Variants in C17orf78 observed in about 807,000 individuals in gnomAD.
C17orf78 encodes uncharacterized protein C17orf78.
In C17orf78, 27 loss-of-function variants were observed where a neutral mutation model predicts 31.8. The observed-to-expected ratio is 0.85, with a 90% CI of 0.63 to 1.17. The LOEUF (loss-of-function observed/expected upper bound fraction) is 1.17. Among genes scored for constraint, C17orf78 ranks in the 50% most tolerant of loss-of-function variants. C17orf78 has a pLI of 0.00. For missense variants in C17orf78, 258 were observed against 315.2 expected (o/e 0.82, Z 1.37); for synonymous variants, 106 against 115.1 (o/e 0.92, Z 0.51).
rs756125281 is a variant in C17orf78, at chr17:37,379,266, A to G, written c.275A>G (p.His92Arg). 6.2e-7 allele frequency: 1 copy of G among 1,614,034 alleles called. No individual in the cohort carries two copies. The highest frequency in any genetic ancestry group is 1.1e-5 in the South Asian group (1 of 91,090). The change falls in exon 3 of 7, where the codon CAT becomes CGT. Residue 92 changes from histidine (H) to arginine (R), a missense_variant. His to Arg is a conservative substitution (Grantham distance 29). Coordinates refer to ENST00000615133, the MANE Select transcript of C17orf78 (RefSeq NM_173625.5). ...TTGGAGAGAAGGCCAAAGGTCAAGC[A>G]TATTTTGAAGAACCTGAGAATCATT... ...VYLERRPKVK[H>R]ILKNLRIIAA... is the part of the protein sequence containing the mutation.
In C17orf78 at chr17:37,380,258, G is replaced by C. The variant is rs55885829; in HGVS notation, c.391+876G>C. Among the ~76,000 whole-genome samples, 1,018 of 128,186 alleles carry C rather than the reference G, an allele frequency of 7.9e-3. 11 individuals carry two copies. The highest frequency in any genetic ancestry group is 0.03 in the African/African-American group (987 of 32,954). 84.1% of individuals were successfully genotyped at this position (128,186 alleles called of 152,430 possible). ...CATGGACACAGGAAGGGGAACATCA[G>C]ACTCTGGGGACTGTTGTGGGGTGGG... is the stretch of plus-strand genomic sequence containing the variant. On this transcript the variant is annotated intron_variant, in intron 3 of 6. Transcript: ENST00000615133.
At chr17:37,390,223 T>C (rs1490972802) in intron 6 of C17orf78, among the ~76,000 whole-genome samples, 1 of 63,834 alleles carries the variant, frequency 1.6e-5, no homozygotes, top group East Asian at 9.5e-4. Flanking sequence ...ATTTATTATA[T>C]ATAATTATAT....
chr17:37,379,519 T>C, intron 3 of C17orf78, 137 bp downstream of exon 3: 4 of 1,255,804 alleles, frequency 3.2e-6, no homozygotes, highest in Non-Finnish European at 4.3e-6. Flanking sequence ...TTTTTTTTCT[T>C]GTAAATTTGT....
intron 6 of C17orf78, among the ~76,000 whole-genome samples, chr17:37,390,545 T>A (rs928919596): frequency 8.1e-5 from 12 of 148,940 alleles, no homozygotes; most frequent in Non-Finnish European, 1.8e-4. Context: ...GAGAATTGCT[T>A]GAACCCAGGA....
At chr17:37,389,422 C>G in intron 6 of C17orf78, 60 bp downstream of exon 6, 1 of 1,536,464 alleles carries the variant, frequency 6.5e-7, no homozygotes, top group Non-Finnish European at 8.8e-7. Context: ...AGGGGCCGGG[C>G]GTGGTGGCTC....
intron 4 of C17orf78, 35 bp from the exon 5 acceptor site, chr17:37,388,635 C>A (rs1398112802): frequency 1.9e-6 from 3 of 1,598,390 alleles, no homozygotes; most frequent in Non-Finnish European, 2.6e-6. Context: ...CTCAAATTTT[C>A]TTTTCTCCCT....
chr17:37,379,682 G>C (rs1008885904), intron 3 of C17orf78, among the ~76,000 whole-genome samples: 144 of 151,804 alleles, frequency 9.5e-4, no homozygotes, highest in Admixed American at 6.6e-3. Flanking sequence ...AAATGCTCAT[G>C]ATCACTGGCC....
rs1469974523 is a variant in C17orf78 at position 37,376,061 on chromosome 17, T to C, written c.-32T>C. On this transcript the variant is annotated 5_prime_UTR_variant, in exon 1 of 7. Transcript: ENST00000615133. ...AAGGGCTGTGACAGATGAGCAGTGGTCTGTCTGCAATGAGCATGTGCTCAA... is the reference window on the plus strand; with the variant it reads ...AAGGGCTGTGACAGATGAGCAGTGGCCTGTCTGCAATGAGCATGTGCTCAA... 1 of 1,585,776 alleles carries C rather than the reference T, an allele frequency of 6.3e-7. No individual in the cohort carries two copies.
chr17:37,382,494 A>T (rs1295465281), intron 3 of C17orf78, among the ~76,000 whole-genome samples: 1 of 152,146 alleles, frequency 6.6e-6, no homozygotes, highest in Non-Finnish European at 1.5e-5. Flanking sequence ...AGAATAATGG[A>T]AAAAACTTTA....
At chr17:37,385,692 A>G (rs2147772403) in intron 3 of C17orf78, among the ~76,000 whole-genome samples, 1 of 152,280 alleles carries the variant, frequency 6.6e-6, no homozygotes, top group East Asian at 1.9e-4. Flanking sequence ...AACTGTCAAC[A>G]GTTTTTATGG....
At chr17:37,379,418 C>T in intron 3 of C17orf78, 36 bp downstream of exon 3, 2 of 1,595,408 alleles carry the variant, frequency 1.3e-6, no homozygotes, top group Non-Finnish European at 1.7e-6. Context: ...CAGGCACTAA[C>T]TTTTAGTTGA....
intron 3 of C17orf78, among the ~76,000 whole-genome samples, chr17:37,381,624 G>A (rs1017447396): frequency 4.2e-5 from 6 of 142,886 alleles, no homozygotes; most frequent in African/African-American, 1.5e-4. Flanking sequence ...CTCTTCCATA[G>A]TCTTTTTTTT....
intron 3 of C17orf78, among the ~76,000 whole-genome samples, chr17:37,382,296 G>C (rs12601443): frequency 0.049 from 7,376 of 151,920 alleles, 264 homozygotes; most frequent in East Asian, 0.17. Flanking sequence ...CTTAACCTCA[G>C]CCTGAAGTTT....
At chr17:37,385,910 T>G (rs962186944) in intron 3 of C17orf78, 99 bp from the exon 4 acceptor site, 1 of 765,388 alleles carries the variant, frequency 1.3e-6, no homozygotes, top group Non-Finnish European at 2.1e-6. Flanking sequence ...GGACCACAAT[T>G]GGAAGTTTAC....
At chr17:37,389,009 A>G (rs2050673110) in intron 5 of C17orf78, among the ~76,000 whole-genome samples, 1 of 152,188 alleles carries the variant, frequency 6.6e-6, no homozygotes, top group Admixed American at 6.5e-5. Flanking sequence ...TTTGCCTCTC[A>G]TGGTAGTTAT....
intron 6 of C17orf78, among the ~76,000 whole-genome samples, chr17:37,390,636 GA>G (rs566942621): frequency 7.1e-4 from 95 of 133,604 alleles, no homozygotes; most frequent in Non-Finnish European, 6.5e-4. Context: ...CAAAAAGAGA[GA>G]AAAAAAAAAA....
At chr17:37,376,224 C>A in intron 1 of C17orf78, 74 bp downstream of exon 1, 1 of 1,260,642 alleles carries the variant, frequency 7.9e-7, no homozygotes, top group Non-Finnish European at 1.2e-6. Flanking sequence ...GTCTCTTCCA[C>A]CAGATAGAGA....
At position 37,386,012 on chromosome 17, in the gene C17orf78, T is replaced by A. The variant is rs1597772318; in HGVS notation, c.395T>A (p.Phe132Tyr). 2 of 1,580,170 alleles carry A rather than the reference T, an allele frequency of 1.3e-6. No homozygotes were observed. The highest frequency in any genetic ancestry group is 1.7e-6 in the Non-Finnish European group (2 of 1,156,472). ...QTGSLLKGKA[F>Y]LPGISQCKVL... is the part of the protein sequence containing the mutation. ...TCTTTTCTACTTTGTTTTATAGCTTTTTTACCAGGGATCTCACAATGTAAA... is the reference window on the plus strand; with the variant it reads ...TCTTTTCTACTTTGTTTTATAGCTTATTTACCAGGGATCTCACAATGTAAA... The change falls in exon 4 of 7, where the codon TTT becomes TAT. Residue 132 changes from phenylalanine to tyrosine, a missense_variant. Coordinates refer to ENST00000615133, the MANE Select transcript of C17orf78 (RefSeq NM_173625.5).
intron 4 of C17orf78, chr17:37,387,512 T>C (rs2050596433): frequency 6.6e-6 from 1 of 151,406 alleles, no homozygotes; most frequent in Non-Finnish European, 1.5e-5. Flanking sequence ...AGTAGCGTAG[T>C]CTCAGCTTAC....
Sources: gnomAD v4.1 joint callset for allele counts (sites outside exome capture counted in the v4.1 genomes callset) on GRCh38, gnomAD v4.1.1 for gene constraint, MANE v1.5 for transcripts, NCBI Gene and HGNC (gene_info 2026-07-23, HGNC 2026-07-21) for gene names.